Variants in TMEM106B observed in about 807,000 individuals in gnomAD.
TMEM106B encodes transmembrane protein 106B.
TMEM106B carries 15 observed loss-of-function variants against 31.1 expected under a neutral mutation model. The observed-to-expected ratio is 0.48, with a 90% CI of 0.32 to 0.74. The LOEUF (loss-of-function observed/expected upper bound fraction) is 0.74, where lower values mean the gene tolerates loss of function less well. TMEM106B is among the 30% of genes least tolerant of loss of function. The pLI, the probability that TMEM106B is intolerant of heterozygous loss-of-function variation, is 0.03. For missense variants in TMEM106B, 283 were observed against 327.3 expected, an observed-to-expected ratio of 0.86 and a Z score of 1.04; for synonymous variants, 126 against 112.5, an observed-to-expected ratio of 1.12 and a Z score of -0.76.
chr7:12,230,604 TATTC>T (rs1782001649), intron 6 of TMEM106B, 166 bp downstream of exon 6: 1 of 500,168 alleles, frequency 2.0e-6, no homozygotes, highest in South Asian at 3.4e-5. Context: ...ACATATATAA[TATTC>T]ATGTATATAT....
intron 4 of TMEM106B, among the ~76,000 whole-genome samples, chr7:12,228,003 T>G (rs929652418): frequency 4.6e-5 from 7 of 151,918 alleles, no homozygotes; most frequent in African/African-American, 1.7e-4. Context: ...TAAATTTCAA[T>G]CCTTGGTCTT....
At chr7:12,225,485 A>G (rs1279907914) in intron 4 of TMEM106B, among the ~76,000 whole-genome samples, 1 of 152,190 alleles carries the variant, frequency 6.6e-6, no homozygotes, top group African/African-American at 2.4e-5. Context: ...AGTCCCTCCA[A>G]CAGTGTAAAA....
In TMEM106B at chr7:12,229,681, C is replaced by T; in HGVS notation, c.444C>T (p.Asn148=). The T allele has an allele frequency of 1.3e-6, 2 of 1,559,698 alleles. No homozygotes were observed. The highest frequency in any genetic ancestry group is 1.7e-6 in the Non-Finnish European group (2 of 1,157,380). Residue 148 remains asparagine, a splice_region_variant and synonymous_variant, in exon 5 of 8, where the codon AAC becomes AAT. Transcript: ENST00000396668. Reference sequence around the variant, plus strand: ...TTTTCTGTGTCCTTTTTTTGTAGAACACACTAAATATAACAAACAATAACT... The same window carrying T: ...TTTTCTGTGTCCTTTTTTTGTAGAATACACTAAATATAACAAACAATAACT... ...QKRTIYLNIT[N]TLNITNNNYY... is the part of the protein sequence containing the mutation.
intron 4 of TMEM106B, among the ~76,000 whole-genome samples, chr7:12,225,139 T>C (rs185016965): frequency 3.3e-5 from 5 of 152,294 alleles, no homozygotes; most frequent in Admixed American, 2.0e-4. Flanking sequence ...GTCCTTGTGA[T>C]AGTTTGCTTA....
rs1209728862 is a variant in TMEM106B, at chr7:12,237,812, T to TACACACACACACACACAC, written c.*5840_*5841insCACACACACACACACACA. 1 of 97,748 alleles carries TACACACACACACACACAC rather than the reference T, an allele frequency of 1.0e-5. No individual in the cohort carries two copies. The highest frequency in any genetic ancestry group is 2.4e-4 in the East Asian group (1 of 4,116). 6.1% of individuals were successfully genotyped at this position (97,748 alleles called of 1,614,324 possible). A position where few individuals can be genotyped will look rare whatever the true frequency, so the allele number is the denominator to read the frequency against. ...ATGGCGAGACCCCATATAAAATATA[T>TACACACACACACACACAC]ACATACACACACACACACACACACA... On this transcript the variant is annotated 3_prime_UTR_variant, in exon 8 of 8. Transcript: ENST00000396668.
At position 12,236,278 on chromosome 7, in the gene TMEM106B, T is replaced by A. The variant is rs1350550898; in HGVS notation, c.*4303T>A. On this transcript the variant is annotated 3_prime_UTR_variant, in exon 8 of 8. Transcript: ENST00000396668. ...CTTAAATTGGATAAAATCAAGTGATTAAAGTTACTAAAGAGATAAAAATGG... is the reference window on the plus strand; with the variant it reads ...CTTAAATTGGATAAAATCAAGTGATAAAAGTTACTAAAGAGATAAAAATGG... 1 of 151,936 alleles carries A rather than the reference T, an allele frequency of 6.6e-6. No homozygotes were observed. The highest frequency in any genetic ancestry group is 1.9e-4 in the East Asian group (1 of 5,186). 9.4% of individuals were successfully genotyped at this position (151,936 alleles called of 1,614,324 possible). A position where few individuals can be genotyped will look rare whatever the true frequency, so the allele number is the denominator to read the frequency against.
At position 12,214,894 on chromosome 7, in the gene TMEM106B, T is replaced by C; in HGVS notation, c.84T>C (p.Asn28=). 1 of 1,614,082 alleles carries C rather than the reference T, an allele frequency of 6.2e-7. No individual in the cohort carries two copies. Among genetic ancestry groups the C allele is most frequent in the Non-Finnish European group, 8.5e-7 (1 of 1,179,962 alleles). Residue 28 remains asparagine, a synonymous_variant, in exon 2 of 8, where the codon AAT becomes AAC. Coordinates refer to ENST00000396668, the MANE Select transcript of TMEM106B (RefSeq NM_001134232.2). ...YDGVTSENMR[N]GLVNSEVHNE... ...GAGTCACATCTGAAAACATGAGGAATGGACTGGTTAATAGTGAAGTCCATA... is the reference window on the plus strand; with the variant it reads ...GAGTCACATCTGAAAACATGAGGAACGGACTGGTTAATAGTGAAGTCCATA...
At chr7:12,212,494 T>TG (rs1781600606) in intron 1 of TMEM106B, among the ~76,000 whole-genome samples, 1 of 26,174 alleles carries the variant, frequency 3.8e-5, no homozygotes. Context: ...AAATACATAG[T>TG]TTTTTTTTTT....
In TMEM106B at chr7:12,215,028, G is replaced by A. The variant is rs778271556; in HGVS notation, c.217+1G>A. 2 of 1,611,624 alleles carry A rather than the reference G, an allele frequency of 1.2e-6. No individual in the cohort carries two copies. The highest frequency in any genetic ancestry group is 1.7e-6 in the Non-Finnish European group (2 of 1,178,474). On this transcript the variant is annotated splice_donor_variant, in intron 2 of 7. Coordinates refer to ENST00000396668, the MANE Select transcript of TMEM106B (RefSeq NM_001134232.2). LOFTEE classifies it high-confidence loss of function. The stretch of plus-strand genomic sequence containing the variant: ...CAGGGAACAGGAAGAATTCCTAGGG[G>A]TATGTGTTATTGTATTGTTTTCCCT...
chr7:12,230,695 T>C (rs1782004750), intron 6 of TMEM106B: 1 of 337,426 alleles, frequency 3.0e-6, no homozygotes, highest in Non-Finnish European at 5.3e-6. Flanking sequence ...ATTACTATGT[T>C]ACTGTGTTAA....
Position 12,235,270 on chromosome 7 carries a change from ATTAAT to A in TMEM106B, c.*3299_*3303del, listed in dbSNP as rs1562711895. ...AGGAAATTATTTATAAATAATAGAG[ATTAAT>A]TTATTTGAGATTTGAAATAAGAATA... On this transcript the variant is annotated 3_prime_UTR_variant, in exon 8 of 8. Coordinates refer to ENST00000396668, the MANE Select transcript of TMEM106B (RefSeq NM_001134232.2). The A allele has an allele frequency of 6.6e-6, 1 of 152,452 alleles. No individual in the cohort carries two copies. The highest frequency in any genetic ancestry group is 2.1e-4 in the South Asian group (1 of 4,832). 9.4% of individuals were successfully genotyped at this position (152,452 alleles called of 1,614,324 possible).
rs958533322 is a variant in TMEM106B, at chr7:12,240,325, C to A, written c.*8350C>A. ...CCTCTCTACTTTCCCTCTAAACTTA[C>A]TCAAACACTTGGTGAACTTTTTCTG... On this transcript the variant is annotated 3_prime_UTR_variant, in exon 8 of 8. Coordinates refer to ENST00000396668, the MANE Select transcript of TMEM106B (RefSeq NM_001134232.2). 1.3e-5 allele frequency: 2 copies of A among 152,162 alleles called. No individual in the cohort carries two copies. Among genetic ancestry groups the A allele is most frequent in the South Asian group, 2.1e-4 (1 of 4,832 alleles). The allele number at this position is 152,162 out of a possible 1,614,324, so 9.4% of individuals were successfully genotyped here. A position where few individuals can be genotyped will look rare whatever the true frequency, so the allele number is the denominator to read the frequency against.
At chr7:12,212,110 C>G (rs530323740) in intron 1 of TMEM106B, among the ~76,000 whole-genome samples, 1 of 152,322 alleles carries the variant, frequency 6.6e-6, no homozygotes, top group South Asian at 2.1e-4. Context: ...GAGTCTGGCA[C>G]TTGTCCAAAC....
At chr7:12,215,884 T>A (rs190879125) in intron 2 of TMEM106B, 5 of 162,616 alleles carry the variant, frequency 3.1e-5, no homozygotes, top group Admixed American at 1.9e-4. Flanking sequence ...AATAATCCCC[T>A]GTGTGCTGCT....
Position 12,218,459 on chromosome 7 carries a change from G to A in TMEM106B, c.219G>A (p.Gly73=). Residue 73 remains glycine (G), a splice_region_variant and synonymous_variant, in exon 3 of 8, where the codon GGG becomes GGA. Transcript: ENST00000396668. ...TGAACTTACTTCTTTCACATTTAGG[G>A]CAAGAAAACCAACTGGTGGCATTGA... is the stretch of plus-strand genomic sequence containing the variant. ...TCQGTGRIPR[G]QENQLVALIP... 2 of 1,611,728 alleles carry A rather than the reference G, an allele frequency of 1.2e-6. No individual in the cohort carries two copies. Among genetic ancestry groups the A allele is most frequent in the Non-Finnish European group, 8.5e-7 (1 of 1,178,794 alleles).
At chr7:12,213,509 T>C (rs1327168927) in intron 1 of TMEM106B, among the ~76,000 whole-genome samples, 3 of 152,238 alleles carry the variant, frequency 2.0e-5, no homozygotes, top group Non-Finnish European at 4.4e-5. Context: ...TTTTTGCCTT[T>C]AGTGCTAACT....
chr7:12,219,229 G>T (rs1781742771), intron 3 of TMEM106B, among the ~76,000 whole-genome samples: 1 of 152,142 alleles, frequency 6.6e-6, no homozygotes, highest in Non-Finnish European at 1.5e-5. Context: ...CAGGAGTTAG[G>T]AAGGAAGGAG....
chr7:12,231,214 C>G, intron 7 of TMEM106B, 99 bp downstream of exon 7: 2 of 881,010 alleles, frequency 2.3e-6, no homozygotes, highest in Non-Finnish European at 3.6e-6. Flanking sequence ...AATGCCACCT[C>G]AGTTGGGTTT....
intron 3 of TMEM106B, among the ~76,000 whole-genome samples, chr7:12,222,222 T>C (rs1224410336): frequency 6.6e-6 from 1 of 152,200 alleles, no homozygotes; most frequent in Non-Finnish European, 1.5e-5. Context: ...ATAACTTCAT[T>C]AGCACCTTAT....
Sources: allele counts gnomAD v4.1 joint callset (sites outside exome capture counted in the v4.1 genomes callset), GRCh38; gene constraint gnomAD v4.1.1; transcripts MANE v1.5; gene names NCBI Gene and HGNC (gene_info 2026-07-23, HGNC 2026-07-21).